GALNT13: variants seen among roughly 807,000 people sequenced by gnomAD.
GALNT13 encodes the protein UDP-GalNAc:polypeptide N-acetylgalactosaminyltransferase 13.
In GALNT13, 28 loss-of-function variants were observed where a neutral mutation model predicts 64.2. The observed-to-expected ratio is 0.44, with a 90% CI of 0.32 to 0.60. GALNT13 has a LOEUF of 0.60. GALNT13 is among the 20% of genes least tolerant of loss of function. The pLI is 0.05. For synonymous variants in GALNT13, 214 were observed against 224.6 expected, an observed-to-expected ratio of 0.95 and a Z score of 0.42; for missense variants, 577 against 669.8, an observed-to-expected ratio of 0.86 and a Z score of 1.53.
At chr2:153,838,826 T>C in the GALNT13 span, among the ~76,000 whole-genome samples, 12 of 151,884 alleles carry the variant, frequency 7.9e-5, no homozygotes, top group African/African-American at 2.9e-4. Flanking sequence ...AAAAATGTCT[T>C]TGAAGTTTTG....
the GALNT13 span, among the ~76,000 whole-genome samples, chr2:153,547,408 C>T: frequency 1.3e-5 from 2 of 152,154 alleles, no homozygotes; most frequent in African/African-American, 2.4e-5. Context: ...TCATCAGTGC[C>T]ACAGCAAACC....
At chr2:154,146,234 G>T (rs555721681) in intron 4 of GALNT13, among the ~76,000 whole-genome samples, 3 of 151,564 alleles carry the variant, frequency 2.0e-5, no homozygotes, top group Non-Finnish European at 4.4e-5. Flanking sequence ...ATTATCATTT[G>T]GGGGATAATA....
chr2:153,254,934 A>G, the GALNT13 span, among the ~76,000 whole-genome samples: 1 of 152,184 alleles, frequency 6.6e-6, no homozygotes, highest in African/African-American at 2.4e-5. Context: ...ACTGAAAAAA[A>G]TGTATATTCT....
chr2:153,607,074 C>G, the GALNT13 span, among the ~76,000 whole-genome samples: 1 of 151,948 alleles, frequency 6.6e-6, no homozygotes, highest in Non-Finnish European at 1.5e-5. Context: ...AGTGTTAGAT[C>G]TGTGTGAGCA....
chr2:154,053,093 C>T (rs1333458444), intron 3 of GALNT13, among the ~76,000 whole-genome samples: 1 of 152,116 alleles, frequency 6.6e-6, no homozygotes, highest in Non-Finnish European at 1.5e-5. Flanking sequence ...TCTTAAAAAA[C>T]TTCCCACAGC....
At chr2:154,195,045 G>A (rs1156860309) in intron 4 of GALNT13, among the ~76,000 whole-genome samples, 1 of 151,866 alleles carries the variant, frequency 6.6e-6, no homozygotes, top group African/African-American at 2.4e-5. Context: ...TCCCCTGACA[G>A]GTCCTGATGT....
At chr2:154,273,092 C>T (rs1034534668) in intron 8 of GALNT13, among the ~76,000 whole-genome samples, 1 of 151,708 alleles carries the variant, frequency 6.6e-6, no homozygotes, top group Non-Finnish European at 1.5e-5. Context: ...TAGAGGGAGA[C>T]CATAGACGAT....
At chr2:153,792,904 T>C in the GALNT13 span, among the ~76,000 whole-genome samples, 3 of 152,052 alleles carry the variant, frequency 2.0e-5, no homozygotes, top group Admixed American at 1.3e-4. Context: ...AACAGAAACA[T>C]ACTAGGTCTC....
intron 8 of GALNT13, among the ~76,000 whole-genome samples, chr2:154,267,496 T>A: frequency 6.6e-6 from 1 of 152,020 alleles, no homozygotes; most frequent in Non-Finnish European, 1.5e-5. Context: ...AAAAATTAGC[T>A]GGGCGTGGTC....
At chr2:154,367,175 A>AGGG (rs72543985) in intron 9 of GALNT13, among the ~76,000 whole-genome samples, 1 of 151,374 alleles carries the variant, frequency 6.6e-6, no homozygotes, top group Non-Finnish European at 1.5e-5. Flanking sequence ...ACCATAAATG[A>AGGG]GATGAAACAT....
intron 11 of GALNT13, among the ~76,000 whole-genome samples, chr2:154,415,575 A>G (rs760564155): frequency 6.8e-6 from 1 of 146,404 alleles, no homozygotes; most frequent in Non-Finnish European, 1.5e-5. Flanking sequence ...AAGATTAAAG[A>G]AGAGATCATT....
At chr2:153,510,895 C>T in the GALNT13 span, among the ~76,000 whole-genome samples, 1 of 151,818 alleles carries the variant, frequency 6.6e-6, no homozygotes, top group Non-Finnish European at 1.5e-5. Context: ...CCAGCAAATA[C>T]AAGCAGAAGG....
At chr2:153,400,244 T>C in the GALNT13 span, among the ~76,000 whole-genome samples, 13 of 152,072 alleles carry the variant, frequency 8.5e-5, no homozygotes, top group East Asian at 2.3e-3. Flanking sequence ...TTTGCGTATA[T>C]TGAACCAGCC....
chr2:153,931,336 TTC>T (rs1030474586), intron 2 of GALNT13, among the ~76,000 whole-genome samples: 10 of 151,574 alleles, frequency 6.6e-5, no homozygotes, highest in Admixed American at 4.6e-4. Flanking sequence ...TAGCTTTTAT[TTC>T]TCTCTCTCGC....
At chr2:153,868,475 C>G (rs1025569216), upstream of GALNT13, among the ~76,000 whole-genome samples, 1 of 152,124 alleles carries the variant, frequency 6.6e-6, no homozygotes, top group Non-Finnish European at 1.5e-5. Context: ...TTCAGTGTCC[C>G]TTAATAATGG....
intron 9 of GALNT13, among the ~76,000 whole-genome samples, chr2:154,306,627 G>C (rs1353361117): frequency 6.9e-6 from 1 of 144,782 alleles, no homozygotes; most frequent in African/African-American, 2.5e-5. Context: ...GTGGGGGGGG[G>C]GTCAAGAAAT....
intron 9 of GALNT13, among the ~76,000 whole-genome samples, chr2:154,353,714 G>C (rs538846953): frequency 6.6e-6 from 1 of 152,060 alleles, no homozygotes; most frequent in Non-Finnish European, 1.5e-5. Flanking sequence ...ATGCCCTCTG[G>C]GTCCATCCAT....
At chr2:153,182,197 T>C in the GALNT13 span, among the ~76,000 whole-genome samples, 2 of 151,886 alleles carry the variant, frequency 1.3e-5, no homozygotes, top group African/African-American at 2.4e-5. Flanking sequence ...GTGTCCACCA[T>C]CATACCCGGC....
the GALNT13 span, among the ~76,000 whole-genome samples, chr2:153,639,009 T>C: frequency 6.6e-6 from 1 of 152,016 alleles, no homozygotes; most frequent in Non-Finnish European, 1.5e-5. Flanking sequence ...TTCAGTTGCA[T>C]AGGTCTAGAT....
Sources: allele counts gnomAD v4.1 joint callset (sites outside exome capture counted in the v4.1 genomes callset), GRCh38; gene constraint gnomAD v4.1.1; transcripts MANE v1.5; gene names NCBI Gene and HGNC (gene_info 2026-07-23, HGNC 2026-07-21).